The following ZNF33A variants were observed in gnomAD, a reference collection of about 807,000 sequenced individuals.
ZNF33A encodes the protein brain my041 protein.
A neutral mutation model predicts 15.9 loss-of-function variants in ZNF33A; 9 were observed. That is an observed-to-expected ratio of 0.57 (90% confidence interval 0.34 to 0.99). The LOEUF (loss-of-function observed/expected upper bound fraction) is 0.99, where lower values mean the gene tolerates loss of function less well. ZNF33A is among the 50% of genes least tolerant of loss of function. The probability of loss-of-function intolerance (pLI) is 0.02; values close to 1 mark genes in which losing one functional copy is unlikely to be tolerated. For missense variants in ZNF33A, 843 were observed against 941.6 expected, an observed-to-expected ratio of 0.90 and a Z score of 1.37; for synonymous variants, 294 against 324.2, an observed-to-expected ratio of 0.91 and a Z score of 1.00.
chr10:38,043,671 C>G (rs1432365448), intron 4 of ZNF33A, among the ~76,000 whole-genome samples: 1 of 151,554 alleles, frequency 6.6e-6, no homozygotes, highest in Non-Finnish European at 1.5e-5. Flanking sequence ...AAAGGTATTT[C>G]ATTGCAAAAA....
chr10:38,024,158 C>CAAAAAAAAA (rs2064873344), intron 4 of ZNF33A, among the ~76,000 whole-genome samples: 1 of 8,898 alleles, frequency 1.1e-4, no homozygotes, highest in African/African-American at 8.9e-4. Flanking sequence ...GTCTCAAAAA[C>CAAAAAAAAA]AAAACAAAAA....
chr10:38,017,003 C>T lies in ZNF33A; in HGVS notation c.142C>T (p.Leu48Phe). 1 of 1,605,406 alleles carries T rather than the reference C, an allele frequency of 6.2e-7. No individual in the cohort carries two copies. The highest frequency in any genetic ancestry group is 8.5e-7 in the Non-Finnish European group (1 of 1,177,194). ...RDVMLENYSN[L>F]VSVGYCVHKP... Reference sequence around the variant, plus strand: ...TGTGATGCTGGAGAACTACAGCAACCTTGTCTCAGTGGGTAAGGTCTGTTC... The same window carrying T: ...TGTGATGCTGGAGAACTACAGCAACTTTGTCTCAGTGGGTAAGGTCTGTTC... The change falls in exon 3 of 5, where the codon CTT (leucine) becomes TTT (phenylalanine). Residue 48 changes from leucine to phenylalanine, a missense_variant. By Grantham distance (22) the Leu-to-Phe change is conservative (BLOSUM62 0). Transcript: ENST00000432900.
rs922307790 is a variant in ZNF33A at position 38,058,562 on chromosome 10, G to A, written c.*2002G>A. The A allele has an allele frequency of 2.0e-5, 3 of 152,208 alleles. No individual in the cohort carries two copies. Among genetic ancestry groups the A allele is most frequent in the Non-Finnish European group, 4.4e-5 (3 of 68,070 alleles). The allele number at this position is 152,208 out of a possible 1,614,324, so 9.4% of individuals were successfully genotyped here. A position where few individuals can be genotyped will look rare whatever the true frequency, so the allele number is the denominator to read the frequency against. ...TGAGGCGGGTGGATCACAAGGTCAG[G>A]AGTTCGAGACCAGCCTGGTCAACAT... On this transcript the variant is annotated 3_prime_UTR_variant, in exon 5 of 5. Coordinates refer to ENST00000432900, the MANE Select transcript of ZNF33A (RefSeq NM_006954.2).
chr10:38,061,732 G>A (rs558150175), downstream of ZNF33A, among the ~76,000 whole-genome samples: 129 of 152,154 alleles, frequency 8.5e-4, 1 homozygote, highest in Middle Eastern at 3.4e-3. Context: ...AGGCTGGGGC[G>A]GCAGGATCAC....
chr10:38,033,878 A>G (rs2065326043), intron 4 of ZNF33A, among the ~76,000 whole-genome samples: 1 of 151,760 alleles, frequency 6.6e-6, no homozygotes, highest in Non-Finnish European at 1.5e-5. Flanking sequence ...ATGCCAGGCT[A>G]ATTTTTGTAT....
chr10:38,064,950 A>G (rs1441944622), downstream of ZNF33A: 4 of 151,672 alleles, frequency 2.6e-5, no homozygotes, highest in Non-Finnish European at 5.9e-5. Flanking sequence ...TCCAGATGCA[A>G]TACTAGATAA....
In ZNF33A at chr10:38,057,211, G is replaced by T. The variant is rs775110481; in HGVS notation, c.*651G>T. The T allele has an allele frequency of 2.2e-4, 217 of 984,696 alleles. No homozygotes were observed. Among genetic ancestry groups the T allele is most frequent in the Non-Finnish European group, 2.4e-4 (202 of 829,528 alleles). The allele number at this position is 984,696 out of a possible 1,614,324, so 61.0% of individuals were successfully genotyped here. A position where few individuals can be genotyped will look rare whatever the true frequency, so the allele number is the denominator to read the frequency against. On this transcript the variant is annotated 3_prime_UTR_variant, in exon 5 of 5. Coordinates refer to ENST00000432900, the MANE Select transcript of ZNF33A (RefSeq NM_006954.2). ...ATCAACACGATTAGTTTACAGAACT[G>T]AAAAGGAATCTGAGATCTGTACTGT...
At chr10:38,063,961 G>C (rs566166083), downstream of ZNF33A, 1,110 of 785,390 alleles carry the variant, frequency 1.4e-3, 3 homozygotes, top group Non-Finnish European at 2.0e-3. Context: ...CCTGGTGTCT[G>C]TGGTGCCTGC....
rs76135375 is a variant in ZNF33A at position 38,027,580 on chromosome 10, G to T, written c.250+10194G>T. Among the ~76,000 whole-genome samples, 519 of 151,628 alleles carry T rather than the reference G, an allele frequency of 3.4e-3. 1 individual carries two copies. The highest frequency in any genetic ancestry group is 0.015 in the South Asian group (73 of 4,802). ...TGCTCATGCTGATCTTGGACTCCTGGCATCAAGTGATCCACCTTGGCCTCC... is the reference window on the plus strand; with the variant it reads ...TGCTCATGCTGATCTTGGACTCCTGTCATCAAGTGATCCACCTTGGCCTCC... On this transcript the variant is annotated intron_variant, in intron 4 of 4. Transcript: ENST00000432900.
At chr10:38,033,109 A>G (rs1564850579) in intron 4 of ZNF33A, among the ~76,000 whole-genome samples, 1 of 152,192 alleles carries the variant, frequency 6.6e-6, no homozygotes, top group Non-Finnish European at 1.5e-5. Flanking sequence ...GTTAGCAGTT[A>G]CTTTCTCTTT....
At chr10:38,047,190 CAAAAA>C (rs61278605) in intron 4 of ZNF33A, among the ~76,000 whole-genome samples, 110 of 64,052 alleles carry the variant, frequency 1.7e-3, no homozygotes, top group Admixed American at 2.5e-3. Context: ...CCACCCCTGC[CAAAAA>C]AAAAAAAAAA....
intron 4 of ZNF33A, among the ~76,000 whole-genome samples, chr10:38,031,216 A>T (rs2065196619): frequency 6.6e-6 from 1 of 152,156 alleles, no homozygotes; most frequent in Admixed American, 6.5e-5. Context: ...CCATGGAGAA[A>T]ACTGGGTGAG....
downstream of ZNF33A, among the ~76,000 whole-genome samples, chr10:38,061,452 A>G (rs2066652761): frequency 6.6e-6 from 1 of 152,108 alleles, no homozygotes; most frequent in South Asian, 2.1e-4. Flanking sequence ...TGCCCTCCCA[A>G]TGCAAAACCC....
At chr10:38,035,200 C>T (rs183320534) in intron 4 of ZNF33A, among the ~76,000 whole-genome samples, 152 of 144,424 alleles carry the variant, frequency 1.1e-3, no homozygotes, top group Admixed American at 3.4e-3. Flanking sequence ...TCACGGCAAC[C>T]TCCGCCTCCT....
chr10:38,037,240 A>G (rs1330051381), intron 4 of ZNF33A, among the ~76,000 whole-genome samples: 3 of 152,202 alleles, frequency 2.0e-5, no homozygotes, highest in South Asian at 4.1e-4. Flanking sequence ...TAGTTTTTGT[A>G]TATGGTGTGA....
chr10:38,043,508 T>TA (rs1391111650), intron 4 of ZNF33A, among the ~76,000 whole-genome samples: 2 of 106,840 alleles, frequency 1.9e-5, no homozygotes, highest in African/African-American at 6.6e-5. Context: ...AATAATAAAA[T>TA]TAAAAAAAAA....
rs1202064731 is a variant in ZNF33A at position 38,055,732 on chromosome 10, G to A, written c.1608G>A (p.Leu536=). The A allele has an allele frequency of 6.2e-7, 1 of 1,613,432 alleles. No homozygotes were observed. The highest frequency in any genetic ancestry group is 1.3e-5 in the African/African-American group (1 of 74,782). The part of the protein sequence containing the change: ...ECYECGKTFC[L]KSDLTVHQRT... The stretch of plus-strand genomic sequence containing the variant: ...ATGAATGTGGGAAAACCTTCTGCTT[G>A]AAGTCAGACCTCACAGTACATCAGA... The change falls in exon 5 of 5, where the codon TTG becomes TTA. Residue 536 remains leucine (L), a synonymous_variant. Coordinates refer to ENST00000432900, the MANE Select transcript of ZNF33A (RefSeq NM_006954.2).
chr10:38,025,756 G>A (rs772828705), intron 4 of ZNF33A, among the ~76,000 whole-genome samples: 4 of 152,214 alleles, frequency 2.6e-5, no homozygotes, highest in Non-Finnish European at 4.4e-5. Flanking sequence ...AAATGATGCT[G>A]GAGCATTTTA....
downstream of ZNF33A, chr10:38,060,157 TG>T (rs2135792140): frequency 1.2e-6 from 1 of 863,276 alleles, no homozygotes; most frequent in African/African-American, 1.8e-5. Flanking sequence ...GAATTGCTTT[TG>T]TACATCCTTA....
Sources: gnomAD v4.1 joint callset for allele counts (sites outside exome capture counted in the v4.1 genomes callset) on GRCh38, gnomAD v4.1.1 for gene constraint, MANE v1.5 for transcripts, NCBI Gene and HGNC (gene_info 2026-07-23, HGNC 2026-07-21) for gene names.